ZNF469: variants seen among roughly 807,000 people sequenced by gnomAD.
The protein encoded by ZNF469 is zinc finger protein 469.
Under a neutral mutation model 1.0 loss-of-function variants are expected in ZNF469, and 1 was observed. The ratio of observed to expected loss-of-function variants is 1.00; its 90% CI spans 0.35 to 4.73. ZNF469 has a LOEUF of 4.73. Ranked by LOEUF, ZNF469 falls within the 30% of genes most tolerant of loss-of-function variation. The probability of loss-of-function intolerance (pLI) is 0.16; values close to 1 mark genes in which losing one functional copy is unlikely to be tolerated. For synonymous variants in ZNF469, 2,703 were observed against 2,363.4 expected (o/e 1.14, Z -4.17); for missense variants, 6,100 against 5,356.3 (o/e 1.14, Z -4.33).
chr16:88,377,706 C>G, the ZNF469 span, among the ~76,000 whole-genome samples: 1 of 152,112 alleles, frequency 6.6e-6, no homozygotes, highest in Non-Finnish European at 1.5e-5. Context: ...CCTCCTCTCT[C>G]CCACTCACTT....
chr16:88,326,839 T>C, the ZNF469 span, among the ~76,000 whole-genome samples: 4 of 152,322 alleles, frequency 2.6e-5, no homozygotes, highest in East Asian at 7.7e-4. Context: ...GACTCAGCCA[T>C]GGCTGCCTTG....
the ZNF469 span, among the ~76,000 whole-genome samples, chr16:88,124,811 C>T: frequency 9.9e-5 from 15 of 152,046 alleles, no homozygotes; most frequent in Non-Finnish European, 5.9e-5. Context: ...CTTGATCTCC[C>T]GACCTCAGGT....
chr16:88,200,076 C>T, the ZNF469 span, among the ~76,000 whole-genome samples: 2 of 152,088 alleles, frequency 1.3e-5, no homozygotes, highest in African/African-American at 2.4e-5. Context: ...GGCTGGGGGT[C>T]GTGCCCCGGG....
chr16:88,219,268 C>T, the ZNF469 span, among the ~76,000 whole-genome samples: 1 of 150,212 alleles, frequency 6.7e-6, no homozygotes, highest in African/African-American at 2.5e-5. Context: ...GAAAAAACTA[C>T]TTTAAAGTTC....
chr16:88,162,931 G>A, the ZNF469 span, among the ~76,000 whole-genome samples: 2 of 152,202 alleles, frequency 1.3e-5, no homozygotes, highest in Admixed American at 6.5e-5. Context: ...AGCAACACAA[G>A]GCCCTTTAAA....
At chr16:88,181,678 C>T in the ZNF469 span, among the ~76,000 whole-genome samples, 8 of 152,236 alleles carry the variant, frequency 5.3e-5, no homozygotes, top group Non-Finnish European at 8.8e-5. Flanking sequence ...ACATTTATAG[C>T]ATTAAATGTA....
At position 88,431,397 on chromosome 16, in the gene ZNF469, G is replaced by A; in HGVS notation, c.3927G>A (p.Gln1309=). 6.5e-7 allele frequency: 1 copy of A among 1,550,210 alleles called. No individual in the cohort carries two copies. The highest frequency in any genetic ancestry group is 8.7e-7 in the Non-Finnish European group (1 of 1,146,972). ...GSLLGGPGGT[Q]APVSHNSKDP... is the part of the protein sequence containing the mutation. ...TGCTGGGTGGTCCTGGGGGCACACA[G>A]GCCCCAGTCTCCCACAACAGCAAGG... Residue 1309 remains glutamine, a synonymous_variant, in exon 3 of 3, where the codon CAG becomes CAA. Transcript: ENST00000565624.
the ZNF469 span, among the ~76,000 whole-genome samples, chr16:88,300,750 C>G: frequency 6.6e-6 from 1 of 152,196 alleles, no homozygotes; most frequent in African/African-American, 2.4e-5. Flanking sequence ...TTGTCTCACT[C>G]TAAGAGCCCG....
At chr16:88,345,389 T>G in the ZNF469 span, among the ~76,000 whole-genome samples, 1 of 152,200 alleles carries the variant, frequency 6.6e-6, no homozygotes, top group East Asian at 1.9e-4. Context: ...TTCAATTAAC[T>G]TAAATGTAAG....
chr16:88,234,331 A>C, the ZNF469 span, among the ~76,000 whole-genome samples: 1 of 152,240 alleles, frequency 6.6e-6, no homozygotes, highest in Non-Finnish European at 1.5e-5. Flanking sequence ...GATGGGATTT[A>C]ACATCTGCAG....
the ZNF469 span, among the ~76,000 whole-genome samples, chr16:88,273,905 C>T: frequency 1.9e-4 from 28 of 151,012 alleles, no homozygotes; most frequent in Non-Finnish European, 2.8e-4. Flanking sequence ...CCCGGGTTCA[C>T]GCCATTCTCC....
At chr16:88,236,214 G>A in the ZNF469 span, among the ~76,000 whole-genome samples, 1 of 152,370 alleles carries the variant, frequency 6.6e-6, no homozygotes, top group African/African-American at 2.4e-5. Context: ...GCCCTGGAAA[G>A]GGAAGAGGAT....
chr16:88,108,814 G>C, the ZNF469 span, among the ~76,000 whole-genome samples: 36 of 152,344 alleles, frequency 2.4e-4, no homozygotes, highest in South Asian at 4.1e-4. Context: ...CTCCAGGGGA[G>C]TCCAGTGCCA....
chr16:88,354,640 T>C, the ZNF469 span, among the ~76,000 whole-genome samples: 1 of 151,812 alleles, frequency 6.6e-6, no homozygotes, highest in Non-Finnish European at 1.5e-5. Flanking sequence ...GGCCCCCAGC[T>C]CAAATGGAAT....
chr16:88,437,326 G>T lies in ZNF469; in HGVS notation c.9856G>T (p.Ala3286Ser), dbSNP rs760598299. 2 of 1,546,872 alleles carry T rather than the reference G, an allele frequency of 1.3e-6. No homozygotes were observed. Among genetic ancestry groups the T allele is most frequent in the South Asian group, 2.4e-5 (2 of 83,870 alleles). ...CACCCCCAGCAACCCAGACGGGGCC[G>T]CGACCCCAGACAGCGCCTCTGCCAC... ...RSTPSNPDGA[A>S]TPDSASATAL... The change falls in exon 3 of 3, where the codon GCG (alanine) becomes TCG (serine). Residue 3286 changes from alanine to serine, a missense_variant. By Grantham distance (99) the Ala-to-Ser change is moderately conservative. Transcript: ENST00000565624.
At chr16:88,232,037 G>C in the ZNF469 span, among the ~76,000 whole-genome samples, 1 of 152,126 alleles carries the variant, frequency 6.6e-6, no homozygotes, top group Non-Finnish European at 1.5e-5. Flanking sequence ...CTCCGGGCAG[G>C]CTCCTGGACC....
At chr16:88,157,720 T>C in the ZNF469 span, among the ~76,000 whole-genome samples, 1 of 152,212 alleles carries the variant, frequency 6.6e-6, no homozygotes, top group Non-Finnish European at 1.5e-5. Context: ...GGTGGCCTCC[T>C]GGGCCCCAGA....
At chr16:88,180,553 C>A in the ZNF469 span, among the ~76,000 whole-genome samples, 2 of 152,118 alleles carry the variant, frequency 1.3e-5, no homozygotes, top group Non-Finnish European at 1.5e-5. Flanking sequence ...GGGTGGATCA[C>A]CTGAGGTCAG....
chr16:88,354,324 G>A, the ZNF469 span, among the ~76,000 whole-genome samples: 4 of 152,170 alleles, frequency 2.6e-5, no homozygotes, highest in Non-Finnish European at 5.9e-5. Context: ...TGCCAGGTTC[G>A]GGGTAGGAGG....
Sources: gnomAD v4.1 joint callset for allele counts (sites outside exome capture counted in the v4.1 genomes callset) on GRCh38, gnomAD v4.1.1 for gene constraint, MANE v1.5 for transcripts, NCBI Gene and HGNC (gene_info 2026-07-23, HGNC 2026-07-21) for gene names.